EPM2A: variants seen among roughly 807,000 people sequenced by gnomAD.
EPM2A encodes the protein EPM2A glucan phosphatase, laforin, also known as laforin.
EPM2A carries 21 observed loss-of-function variants against 26.5 expected under a neutral mutation model. The observed-to-expected ratio is 0.79, with a 90% CI of 0.56 to 1.14. The LOEUF is 1.14. EPM2A is among the 50% of genes most tolerant of loss of function. The probability of loss-of-function intolerance (pLI) is 0.00; values close to 1 mark genes in which losing one functional copy is unlikely to be tolerated. For missense variants in EPM2A, 458 were observed against 440.8 expected, an observed-to-expected ratio of 1.04 and a Z score of -0.35; for synonymous variants, 217 against 177.6, an observed-to-expected ratio of 1.22 and a Z score of -1.76.
chr6:145,647,907 C>G (rs1290143575), intron 2 of EPM2A, among the ~76,000 whole-genome samples: 1 of 152,130 alleles, frequency 6.6e-6, no homozygotes, highest in African/African-American at 2.4e-5. Flanking sequence ...GAATTTAGCT[C>G]AAAATAACAA....
chr6:145,527,011 T>C (rs1389294175), intron 2 of EPM2A, among the ~76,000 whole-genome samples: 1 of 152,092 alleles, frequency 6.6e-6, no homozygotes, highest in East Asian at 1.9e-4. Context: ...TTCAAATGAT[T>C]TTTTGATTTC....
At chr6:145,735,161 C>G in intron 1 of EPM2A, 37 bp downstream of exon 1, 2 of 1,443,022 alleles carry the variant, frequency 1.4e-6, no homozygotes, top group Non-Finnish European at 1.8e-6. Context: ...GCCGGAGCTC[C>G]CGCTCTGCGC....
chr6:145,723,946 A>G (rs1472013851), intron 1 of EPM2A, among the ~76,000 whole-genome samples: 3 of 152,318 alleles, frequency 2.0e-5, no homozygotes, highest in East Asian at 1.9e-4. Flanking sequence ...GAAAGAAAAG[A>G]AAAATTTCTG....
At chr6:145,459,919 C>A (rs971803604) in intron 4 of EPM2A, among the ~76,000 whole-genome samples, 2 of 152,240 alleles carry the variant, frequency 1.3e-5, no homozygotes, top group African/African-American at 4.8e-5. Context: ...TCTTTTCCAA[C>A]CCTCTCATTT....
intron 2 of EPM2A, among the ~76,000 whole-genome samples, chr6:145,609,798 G>T (rs75543091): frequency 1.3e-5 from 2 of 152,114 alleles, no homozygotes; most frequent in African/African-American, 4.8e-5. Flanking sequence ...GTTCTTTGGT[G>T]TCCTTTAAGG....
chr6:145,729,245 CCAAA>C (rs1271407111), intron 1 of EPM2A, among the ~76,000 whole-genome samples: 7 of 152,172 alleles, frequency 4.6e-5, no homozygotes, highest in African/African-American at 1.2e-4. Flanking sequence ...GTTGGAGCCC[CCAAA>C]CAGAGTTCCC....
chr6:145,564,050 A>G (rs1380632959), intron 2 of EPM2A, among the ~76,000 whole-genome samples: 4 of 152,198 alleles, frequency 2.6e-5, no homozygotes, highest in Non-Finnish European at 5.9e-5. Context: ...TAGATTACTT[A>G]TAATACCTAA....
intron 2 of EPM2A, among the ~76,000 whole-genome samples, chr6:145,522,053 C>G (rs541975538): frequency 6.6e-6 from 1 of 152,196 alleles, no homozygotes; most frequent in African/African-American, 2.4e-5. Context: ...CCCGGGTTCA[C>G]GCCATTCTCC....
rs1775904922 is a variant in EPM2A at position 145,627,518 on chromosome 6, G to T, written c.894C>A (p.Ala298=). The T allele has an allele frequency of 2.5e-6, 4 of 1,614,234 alleles. No individual in the cohort carries two copies. The highest frequency in any genetic ancestry group is 3.4e-6 in the Non-Finnish European group (4 of 1,180,040). The change falls in exon 4 of 4, where the codon GCC becomes GCA. Residue 298 remains alanine (A), a synonymous_variant. Transcript: ENST00000367519. ...CGTCAATGTAGACAGCCGGCCTCTT[G>T]GCCATGAGGAAATACTGCACCTTCC... ...NLRKVQYFLM[A]KRPAVYIDEE... is the part of the protein sequence containing the mutation.
intron 1 of EPM2A, among the ~76,000 whole-genome samples, chr6:145,692,532 T>A (rs1781341038): frequency 6.6e-6 from 1 of 152,084 alleles, no homozygotes; most frequent in Non-Finnish European, 1.5e-5. Context: ...GAACTAGAAA[T>A]CAATAATAAA....
At chr6:145,401,439 A>G (rs968967698) in intron 4 of EPM2A, among the ~76,000 whole-genome samples, 9 of 152,138 alleles carry the variant, frequency 5.9e-5, no homozygotes, top group African/African-American at 1.9e-4. Flanking sequence ...ATTTCCAATT[A>G]CTCTTCTTGT....
chr6:145,391,070 T>C (rs9497287), intron 4 of EPM2A, among the ~76,000 whole-genome samples: 38,795 of 151,990 alleles, frequency 0.26, 5,478 homozygotes, highest in Non-Finnish European at 0.32. Context: ...AGTCCCCCAG[T>C]GGACTGAACA....
At chr6:145,442,607 A>G (rs1014897866) in intron 4 of EPM2A, among the ~76,000 whole-genome samples, 3 of 152,178 alleles carry the variant, frequency 2.0e-5, no homozygotes, top group African/African-American at 7.2e-5. Context: ...CCACAGCTCA[A>G]GGGAATTATG....
At chr6:145,580,074 A>G (rs1001561550) in intron 2 of EPM2A, among the ~76,000 whole-genome samples, 1 of 152,152 alleles carries the variant, frequency 6.6e-6, no homozygotes, top group Non-Finnish European at 1.5e-5. Context: ...AAGTTTCAAA[A>G]TATTTACATA....
At chr6:145,580,267 C>A (rs998330307) in intron 2 of EPM2A, among the ~76,000 whole-genome samples, 4 of 151,964 alleles carry the variant, frequency 2.6e-5, no homozygotes, top group Non-Finnish European at 5.9e-5. Context: ...TTTTCTTTTA[C>A]ACAAAACAAG....
chr6:145,623,070 A>G (rs1003360295), downstream of EPM2A, among the ~76,000 whole-genome samples: 3 of 152,180 alleles, frequency 2.0e-5, no homozygotes, highest in Non-Finnish European at 2.9e-5. Flanking sequence ...AATACCTATA[A>G]CATTGTATGC....
At chr6:145,543,309 A>G (rs1028355446) in intron 2 of EPM2A, among the ~76,000 whole-genome samples, 11 of 152,222 alleles carry the variant, frequency 7.2e-5, no homozygotes, top group African/African-American at 2.7e-4. Flanking sequence ...GTGAATCCAG[A>G]AAGGTGTCTA....
intron 2 of EPM2A, among the ~76,000 whole-genome samples, chr6:145,537,766 C>T (rs781592586): frequency 4.6e-5 from 7 of 151,856 alleles, no homozygotes; most frequent in Non-Finnish European, 1.0e-4. Flanking sequence ...CCCCACCCCC[C>T]GACAGGCCCC....
intron 2 of EPM2A, among the ~76,000 whole-genome samples, chr6:145,586,046 T>G (rs1335843359): frequency 6.6e-6 from 1 of 152,176 alleles, no homozygotes; most frequent in Admixed American, 6.5e-5. Flanking sequence ...TCTAGCTCTT[T>G]TGGTCAACCT....
Sources: allele counts gnomAD v4.1 joint callset (sites outside exome capture counted in the v4.1 genomes callset), GRCh38; gene constraint gnomAD v4.1.1; transcripts MANE v1.5; gene names NCBI Gene and HGNC (gene_info 2026-07-23, HGNC 2026-07-21).